CTNNA3: variants seen among roughly 807,000 people sequenced by gnomAD.
CTNNA3 encodes catenin alpha-3.
In CTNNA3, 76 loss-of-function variants were observed where a neutral mutation model predicts 95.7. That is an observed-to-expected ratio of 0.79 (90% confidence interval 0.66 to 0.96). CTNNA3 has a LOEUF of 0.96. CTNNA3 is among the 40% of genes least tolerant of loss of function. The pLI is 0.00. For synonymous variants in CTNNA3, 431 were observed against 374.4 expected (o/e 1.15, Z -1.74); for missense variants, 1,191 against 1,089.8 (o/e 1.09, Z -1.31).
chr10:67,090,064 G>A (rs984041309), intron 7 of CTNNA3, among the ~76,000 whole-genome samples: 1 of 151,950 alleles, frequency 6.6e-6, no homozygotes, highest in Non-Finnish European at 1.5e-5. Flanking sequence ...ATTTTAACTG[G>A]AAAATATCTG....
At chr10:66,022,598 GACACACACACACAC>G (rs34537265) in intron 15 of CTNNA3, among the ~76,000 whole-genome samples, 20,447 of 148,954 alleles carry the variant, frequency 0.14, 1,654 homozygotes, top group East Asian at 0.33. Flanking sequence ...ATATGCACAT[GACACACACACACAC>G]ACACACACAC....
intron 15 of CTNNA3, among the ~76,000 whole-genome samples, chr10:66,022,140 G>C (rs922803736): frequency 6.6e-6 from 1 of 152,026 alleles, no homozygotes; most frequent in Non-Finnish European, 1.5e-5. Context: ...TTACAGGCTT[G>C]AGCCACCATG....
intron 10 of CTNNA3, among the ~76,000 whole-genome samples, chr10:66,583,395 C>T (rs1395786884): frequency 6.6e-6 from 1 of 151,506 alleles, no homozygotes; most frequent in African/African-American, 2.4e-5. Flanking sequence ...CTAGTTCTTC[C>T]TGATTCAAGC....
intron 7 of CTNNA3, among the ~76,000 whole-genome samples, chr10:67,008,692 T>C (rs1852150661): frequency 6.6e-6 from 1 of 152,162 alleles, no homozygotes; most frequent in East Asian, 1.9e-4. Context: ...CCAGCTAGGA[T>C]AGCACATCTC....
intron 5 of CTNNA3, among the ~76,000 whole-genome samples, chr10:67,328,064 T>A (rs1238257416): frequency 6.6e-6 from 1 of 150,932 alleles, no homozygotes; most frequent in African/African-American, 2.4e-5. Flanking sequence ...CAGAGGTCAG[T>A]GGGGAGAGGA....
At chr10:66,099,628 A>G (rs1219316743) in intron 14 of CTNNA3, among the ~76,000 whole-genome samples, 1 of 152,138 alleles carries the variant, frequency 6.6e-6, no homozygotes, top group African/African-American at 2.4e-5. Flanking sequence ...AATCTGTTGT[A>G]ATAAACTCAC....
intron 7 of CTNNA3, among the ~76,000 whole-genome samples, chr10:67,026,174 G>C (rs2133092257): frequency 6.6e-6 from 1 of 150,632 alleles, no homozygotes; most frequent in Non-Finnish European, 1.5e-5. Context: ...CGAGTTAATG[G>C]GTGCAGCACA....
At position 66,766,363 on chromosome 10, in the gene CTNNA3, G is replaced by A. The variant is rs927559123; in HGVS notation, c.1182C>T (p.Val394=). 7.4e-6 allele frequency: 12 copies of A among 1,613,586 alleles called. No individual in the cohort carries two copies. Among genetic ancestry groups the A allele is most frequent in the Non-Finnish European group, 1.0e-5 (12 of 1,179,644 alleles). Residue 394 remains valine (V), a synonymous_variant, in exon 9 of 18, where the codon GTC becomes GTT. Transcript: ENST00000433211. ...HVSDSFLDTT[V]PLLVLIEAAK... is the part of the protein sequence containing the mutation. ...CAGCTTCAATGAGAACCAAAAGAGG[G>A]ACTGTCGTATCCAGGAAAGAGTCTG...
intron 7 of CTNNA3, chr10:66,925,870 A>G (rs1847035843): frequency 2.9e-6 from 1 of 349,086 alleles, no homozygotes; most frequent in South Asian, 2.1e-5. Flanking sequence ...GTTATTGATC[A>G]CGGTGACCAT....
At chr10:66,722,053 G>A (rs986991539) in intron 9 of CTNNA3, among the ~76,000 whole-genome samples, 10 of 152,246 alleles carry the variant, frequency 6.6e-5, no homozygotes, top group African/African-American at 2.4e-4. Flanking sequence ...AGTATAACCA[G>A]GTTGTATTTA....
intron 10 of CTNNA3, among the ~76,000 whole-genome samples, chr10:66,614,697 G>A (rs527903957): frequency 6.6e-6 from 1 of 152,060 alleles, no homozygotes; most frequent in African/African-American, 2.4e-5. Flanking sequence ...GCCCTGTCAG[G>A]TTATTGGATA....
chr10:66,818,216 T>A (rs1417108547), intron 7 of CTNNA3, among the ~76,000 whole-genome samples: 5 of 152,108 alleles, frequency 3.3e-5, no homozygotes, highest in Admixed American at 1.3e-4. Flanking sequence ...TTCCCTAAGA[T>A]CAGGAACCTG....
At chr10:67,251,497 A>C (rs1243751883) in intron 5 of CTNNA3, among the ~76,000 whole-genome samples, 1 of 152,204 alleles carries the variant, frequency 6.6e-6, no homozygotes, top group African/African-American at 2.4e-5. Context: ...GCCTTAATAG[A>C]GTGGTTAGAA....
At chr10:67,135,155 A>G (rs1860229604) in intron 7 of CTNNA3, among the ~76,000 whole-genome samples, 1 of 152,086 alleles carries the variant, frequency 6.6e-6, no homozygotes, top group Non-Finnish European at 1.5e-5. Flanking sequence ...ATGAAATAGT[A>G]TAATGATAAG....
At chr10:67,195,349 G>A (rs1269287390) in intron 6 of CTNNA3, among the ~76,000 whole-genome samples, 1 of 151,924 alleles carries the variant, frequency 6.6e-6, no homozygotes, top group Non-Finnish European at 1.5e-5. Context: ...TCTGGAGTCA[G>A]AAAAACTGAA....
At chr10:66,483,895 A>G (rs995893183) in intron 11 of CTNNA3, among the ~76,000 whole-genome samples, 1 of 152,114 alleles carries the variant, frequency 6.6e-6, no homozygotes, top group African/African-American at 2.4e-5. Flanking sequence ...AAAAAATAAG[A>G]TCTATCTGAA....
At chr10:67,533,112 T>C (rs1840384468) in intron 4 of CTNNA3, among the ~76,000 whole-genome samples, 1 of 152,022 alleles carries the variant, frequency 6.6e-6, no homozygotes, top group Non-Finnish European at 1.5e-5. Flanking sequence ...TCACCCAAGG[T>C]CAGGAGTTTG....
intron 1 of CTNNA3, among the ~76,000 whole-genome samples, chr10:67,726,298 ATAT>A (rs1182205660): frequency 1.0e-5 from 1 of 97,972 alleles, no homozygotes; most frequent in African/African-American, 4.4e-5. Context: ...ATTATATATG[ATAT>A]TATCTTACAT....
At chr10:67,148,405 C>A (rs1189657983) in intron 7 of CTNNA3, among the ~76,000 whole-genome samples, 1 of 152,140 alleles carries the variant, frequency 6.6e-6, no homozygotes, top group Admixed American at 6.5e-5. Context: ...TCACCAGTGT[C>A]TCGTAGAGGG....
Sources: gnomAD v4.1 joint callset for allele counts (sites outside exome capture counted in the v4.1 genomes callset) on GRCh38, gnomAD v4.1.1 for gene constraint, MANE v1.5 for transcripts, NCBI Gene and HGNC (gene_info 2026-07-23, HGNC 2026-07-21) for gene names.